Variants in ESRRG observed in about 807,000 individuals in gnomAD.
ESRRG encodes the protein estrogen related receptor gamma.
A neutral mutation model predicts 44.0 loss-of-function variants in ESRRG; 13 were observed. That is an observed-to-expected ratio of 0.30 (90% CI 0.19 to 0.47). The LOEUF is 0.47. Among genes scored for constraint, ESRRG ranks in the 20% least tolerant of loss-of-function variants. ESRRG has a pLI of 1.00. For synonymous variants in ESRRG, 215 were observed against 214.6 expected (o/e 1.00, Z -0.02); for missense variants, 395 against 580.6 (o/e 0.68, Z 3.29).
chr1:216,809,811 G>A (rs1258879169), intron 2 of ESRRG, among the ~76,000 whole-genome samples: 1 of 152,144 alleles, frequency 6.6e-6, no homozygotes, highest in African/African-American at 2.4e-5. Flanking sequence ...GCACAGCTAA[G>A]GGGCATGAAA....
intron 2 of ESRRG, among the ~76,000 whole-genome samples, chr1:216,786,241 A>C (rs1430651772): frequency 6.6e-6 from 1 of 152,160 alleles, no homozygotes; most frequent in Non-Finnish European, 1.5e-5. Flanking sequence ...GAAGACCTGC[A>C]ATAGACTTCC....
chr1:216,571,005 A>G (rs2060679411), intron 3 of ESRRG, among the ~76,000 whole-genome samples: 2 of 152,212 alleles, frequency 1.3e-5, no homozygotes, highest in South Asian at 4.1e-4. Context: ...AAAAGACCAT[A>G]GCTGAGTGAC....
chr1:217,014,546 G>A (rs1326207026), intron 1 of ESRRG, among the ~76,000 whole-genome samples: 2 of 151,970 alleles, frequency 1.3e-5, no homozygotes, highest in South Asian at 4.1e-4. Flanking sequence ...CTATGATACT[G>A]GTCCTCTATA....
chr1:216,846,317 A>G (rs1559850527), intron 2 of ESRRG, among the ~76,000 whole-genome samples: 2 of 152,184 alleles, frequency 1.3e-5, no homozygotes, highest in South Asian at 2.1e-4. Flanking sequence ...ACAATGCCCT[A>G]TAAGAAATTA....
At chr1:216,844,502 G>T (rs2095708062) in intron 2 of ESRRG, among the ~76,000 whole-genome samples, 1 of 152,020 alleles carries the variant, frequency 6.6e-6, no homozygotes, top group South Asian at 2.1e-4. Flanking sequence ...ATATTCGATT[G>T]CTCTCCAACC....
At chr1:216,798,677 T>C (rs1460435810) in intron 2 of ESRRG, among the ~76,000 whole-genome samples, 1 of 152,154 alleles carries the variant, frequency 6.6e-6, no homozygotes, top group African/African-American at 2.4e-5. Flanking sequence ...TTGAGGTGAT[T>C]GTAGCTTGGC....
intron 1 of ESRRG, among the ~76,000 whole-genome samples, chr1:217,081,026 T>C (rs2091721701): frequency 6.6e-6 from 1 of 152,124 alleles, no homozygotes; most frequent in Admixed American, 6.5e-5. Flanking sequence ...TTGTTGATCA[T>C]TATCTTATAA....
chr1:216,530,324 A>ATTTATCTG (rs2048998168), intron 5 of ESRRG, among the ~76,000 whole-genome samples: 4 of 150,444 alleles, frequency 2.7e-5, no homozygotes, highest in Non-Finnish European at 5.9e-5. Flanking sequence ...CTATCTATCT[A>ATTTATCTG]TCTATCTATC....
At chr1:216,985,993 C>T (rs1226686641) in intron 1 of ESRRG, among the ~76,000 whole-genome samples, 1 of 152,184 alleles carries the variant, frequency 6.6e-6, no homozygotes, top group African/African-American at 2.4e-5. Context: ...GACCACAAAG[C>T]TAAAGGAGTC....
chr1:216,708,982 G>A (rs2083003935), intron 1 of ESRRG, among the ~76,000 whole-genome samples: 1 of 152,052 alleles, frequency 6.6e-6, no homozygotes, highest in African/African-American at 2.4e-5. Flanking sequence ...ACCAAACACT[G>A]CATGTTCTCA....
At chr1:216,839,338 C>G (rs1009225920) in intron 2 of ESRRG, among the ~76,000 whole-genome samples, 1 of 152,186 alleles carries the variant, frequency 6.6e-6, no homozygotes, top group African/African-American at 2.4e-5. Flanking sequence ...TCCACCACAT[C>G]TGCACTTCCA....
intron 2 of ESRRG, among the ~76,000 whole-genome samples, chr1:216,791,438 A>T (rs1336663118): frequency 6.6e-6 from 1 of 152,158 alleles, no homozygotes; most frequent in Non-Finnish European, 1.5e-5. Context: ...ACATGAGCCA[A>T]TTAAACTTCT....
At chr1:216,694,460 G>T (rs2079702269) in intron 1 of ESRRG, among the ~76,000 whole-genome samples, 1 of 152,124 alleles carries the variant, frequency 6.6e-6, no homozygotes, top group African/African-American at 2.4e-5. Flanking sequence ...CACTTTGTAG[G>T]TAATGGGAAG....
Position 216,602,630 on chromosome 1 carries a change from C to T in ESRRG, c.590-34532G>A, listed in dbSNP as rs117456427. ...CCCAAGTGGATTGGTGATTGTGCAG[C>T]GGAGAGAAGATCTGCAAGGATTATT... is the stretch of plus-strand genomic sequence containing the variant. On this transcript the variant is annotated intron_variant, in intron 3 of 6. Transcript: ENST00000408911. Among the ~76,000 whole-genome samples, 322 of 152,220 alleles carry T rather than the reference C, an allele frequency of 2.1e-3. 6 individuals are homozygous for T. In the East Asian group the frequency reaches 0.039, roughly 18 times the overall value.
intron 2 of ESRRG, among the ~76,000 whole-genome samples, chr1:216,777,612 C>T (rs1326198447): frequency 2.0e-5 from 3 of 152,044 alleles, no homozygotes; most frequent in African/African-American, 7.2e-5. Context: ...TAATTACATT[C>T]CTATTGGATA....
rs571377107 is a variant in ESRRG, at chr1:217,086,260, G to C, written c.-106+3247C>G. Reference sequence around the variant, plus strand: ...AGTATTTCCAAAAGCACAGTACCTAGAAGGCAGATACCATCAAGGTTTCTT... The same window carrying C: ...AGTATTTCCAAAAGCACAGTACCTACAAGGCAGATACCATCAAGGTTTCTT... On this transcript the variant is annotated intron_variant, in intron 1 of 7. Coordinates refer to the ESRRG transcript ENST00000359162. 7.8e-4 allele frequency among the ~76,000 whole-genome samples: 119 copies of C among 152,296 alleles called. 1 individual carries two copies. Among genetic ancestry groups the C allele is most frequent in the African/African-American group, 2.7e-3 (113 of 41,568 alleles).
At chr1:216,744,806 T>A (rs1429763171) in intron 2 of ESRRG, among the ~76,000 whole-genome samples, 4 of 152,204 alleles carry the variant, frequency 2.6e-5, no homozygotes, top group Non-Finnish European at 5.9e-5. Flanking sequence ...CATGATGTCG[T>A]CTGACTAGGT....
chr1:216,989,198 G>C (rs1164669264), intron 1 of ESRRG, among the ~76,000 whole-genome samples: 1 of 152,014 alleles, frequency 6.6e-6, no homozygotes, highest in Non-Finnish European at 1.5e-5. Flanking sequence ...TGAAATCCCA[G>C]CACTTTGGGA....
rs11572812 is a variant in ESRRG, at chr1:216,528,258, A to G, written c.863-8837T>C. On this transcript the variant is annotated intron_variant, in intron 5 of 6. Transcript: ENST00000408911. ...GCTCTTTTCTTATAAGTGCCTATAA[A>G]GTATATAGGATTTTTATTTGGAGCC... 3.3e-3 allele frequency among the ~76,000 whole-genome samples: 501 copies of G among 152,290 alleles called. 18 individuals carry two copies. In the East Asian group the frequency reaches 0.07, roughly 21 times the overall value.
Sources: allele counts gnomAD v4.1 joint callset (sites outside exome capture counted in the v4.1 genomes callset), GRCh38; gene constraint gnomAD v4.1.1; transcripts MANE v1.5; gene names NCBI Gene and HGNC (gene_info 2026-07-23, HGNC 2026-07-21).